Variants in FCHO2 observed in about 807,000 individuals in gnomAD.
FCHO2 encodes the protein FCH and mu domain containing endocytic adaptor 2.
In FCHO2, 43 loss-of-function variants were observed where a neutral mutation model predicts 114.1. The observed-to-expected ratio is 0.38, with a 90% confidence interval of 0.30 to 0.49. The LOEUF is 0.49. Ranked by LOEUF, FCHO2 falls within the 20% of genes least tolerant of loss-of-function variation. FCHO2 has a pLI of 0.97. For synonymous variants in FCHO2, 293 were observed against 315.2 expected, an observed-to-expected ratio of 0.93 and a Z score of 0.75; for missense variants, 807 against 950.4, an observed-to-expected ratio of 0.85 and a Z score of 1.98.
intron 5 of FCHO2, chr5:72,997,352 A>T (rs1754175753): frequency 6.3e-7 from 1 of 1,590,332 alleles, no homozygotes; most frequent in South Asian, 1.1e-5. Context: ...ACTGGACAAT[A>T]GCAGAAGCAT....
intron 8 of FCHO2, chr5:73,020,969 C>T (rs533425332): frequency 6.9e-6 from 11 of 1,596,004 alleles, no homozygotes; most frequent in South Asian, 3.3e-5. Flanking sequence ...TTGAGTGGTT[C>T]GGGTCCATTC....
chr5:73,068,835 T>C, intron 19 of FCHO2, 56 bp downstream of exon 19: 2 of 1,512,512 alleles, frequency 1.3e-6, no homozygotes, highest in Non-Finnish European at 1.8e-6. Flanking sequence ...ATATGTATGC[T>C]AAATATGTAT....
chr5:73,024,680 G>A (rs565459019), intron 8 of FCHO2, among the ~76,000 whole-genome samples: 58 of 150,184 alleles, frequency 3.9e-4, no homozygotes, highest in Admixed American at 7.9e-4. Context: ...CTCATGATCC[G>A]CCCACCTCGG....
At chr5:73,019,692 A>G (rs989838651) in intron 8 of FCHO2, among the ~76,000 whole-genome samples, 1 of 152,206 alleles carries the variant, frequency 6.6e-6, no homozygotes, top group African/African-American at 2.4e-5. Context: ...GTCATAAACC[A>G]TGCTGCAAAG....
In FCHO2 at chr5:73,088,398, GTTA is replaced by G; in HGVS notation, c.*310_*312del. ...TCCAGTGTCTATGTTGAAAAAAAGG[GTTA>G]TAGTGTAATATCAGGCCTAAAGTTT... is the stretch of plus-strand genomic sequence containing the variant. On this transcript the variant is annotated 3_prime_UTR_variant, in exon 26 of 26. Coordinates refer to ENST00000430046, the MANE Select transcript of FCHO2 (RefSeq NM_138782.3). 1 of 327,142 alleles carries G rather than the reference GTTA, an allele frequency of 3.1e-6. No individual in the cohort carries two copies. The highest frequency in any genetic ancestry group is 5.7e-6 in the Non-Finnish European group (1 of 174,924). The allele number at this position is 327,142 out of a possible 1,614,324, so 20.3% of individuals were successfully genotyped here.
intron 2 of FCHO2, among the ~76,000 whole-genome samples, chr5:72,970,765 A>G (rs1580010323): frequency 6.6e-6 from 1 of 152,034 alleles, no homozygotes; most frequent in East Asian, 1.9e-4. Flanking sequence ...TTAGTTACAT[A>G]TGTATACATG....
chr5:73,042,535 T>G (rs934660105), intron 11 of FCHO2, among the ~76,000 whole-genome samples: 3 of 152,166 alleles, frequency 2.0e-5, no homozygotes, highest in African/African-American at 7.2e-5. Context: ...TGAACTTTAC[T>G]TAGTACTTAT....
intron 6 of FCHO2, among the ~76,000 whole-genome samples, chr5:73,015,320 T>C (rs1412077970): frequency 1.3e-5 from 2 of 151,504 alleles, no homozygotes; most frequent in African/African-American, 4.8e-5. Context: ...TCCAGTGCAG[T>C]GGCGTGATCT....
chr5:72,998,035 T>C (rs1463195489), intron 5 of FCHO2, among the ~76,000 whole-genome samples: 1 of 151,090 alleles, frequency 6.6e-6, no homozygotes, highest in Non-Finnish European at 1.5e-5. Flanking sequence ...TTCTAAACTC[T>C]TGTACAAAAC....
chr5:72,978,764 T>C (rs1166708952), intron 2 of FCHO2, among the ~76,000 whole-genome samples: 1 of 152,194 alleles, frequency 6.6e-6, no homozygotes, highest in Non-Finnish European at 1.5e-5. Flanking sequence ...ATAGCTCTTA[T>C]TGTTTTGAGA....
At chr5:73,023,374 A>G (rs1350392918) in intron 8 of FCHO2, among the ~76,000 whole-genome samples, 1 of 152,234 alleles carries the variant, frequency 6.6e-6, no homozygotes, top group Non-Finnish European at 1.5e-5. Context: ...TCTAATAATC[A>G]TGGAGTTTTA....
At chr5:72,963,751 A>G (rs181054025) in intron 1 of FCHO2, among the ~76,000 whole-genome samples, 10 of 151,962 alleles carry the variant, frequency 6.6e-5, no homozygotes, top group African/African-American at 2.4e-4. Context: ...AGGTCTTGCT[A>G]TGTTATTTAG....
At chr5:73,066,132 G>T (rs1742310794) in intron 18 of FCHO2, among the ~76,000 whole-genome samples, 1 of 151,896 alleles carries the variant, frequency 6.6e-6, no homozygotes, top group African/African-American at 2.4e-5. Flanking sequence ...ACTTTAAATT[G>T]TAAGTATTAA....
chr5:73,078,404 G>T, intron 22 of FCHO2, 92 bp downstream of exon 22: 1 of 1,147,640 alleles, frequency 8.7e-7, no homozygotes, highest in East Asian at 2.9e-5. Flanking sequence ...AGCCAAGTGA[G>T]TTTTTTCCCA....
At chr5:73,078,597 C>T (rs1742992584) in intron 22 of FCHO2, among the ~76,000 whole-genome samples, 1 of 152,080 alleles carries the variant, frequency 6.6e-6, no homozygotes, top group Non-Finnish European at 1.5e-5. Flanking sequence ...CCAAAGTAAT[C>T]AATTAAAGTT....
chr5:73,023,538 C>G (rs1245053759), intron 8 of FCHO2, among the ~76,000 whole-genome samples: 2 of 151,946 alleles, frequency 1.3e-5, no homozygotes, highest in Non-Finnish European at 2.9e-5. Context: ...TCCATCTCTA[C>G]TAAATATAAA....
intron 5 of FCHO2, among the ~76,000 whole-genome samples, chr5:73,004,077 AC>A (rs1461300008): frequency 1.3e-5 from 2 of 148,404 alleles, no homozygotes; most frequent in Non-Finnish European, 3.0e-5. Flanking sequence ...AAAAAAATTC[AC>A]TCTGAAGGAC....
chr5:72,984,488 C>G (rs1371468323), intron 2 of FCHO2, among the ~76,000 whole-genome samples: 1 of 152,088 alleles, frequency 6.6e-6, no homozygotes, highest in Non-Finnish European at 1.5e-5. Flanking sequence ...ATAGAATTTT[C>G]TGGTAAAGCC....
At chr5:73,083,769 G>A (rs1162475030) in intron 24 of FCHO2, among the ~76,000 whole-genome samples, 3 of 151,878 alleles carry the variant, frequency 2.0e-5, no homozygotes. Flanking sequence ...GTGCACGCCT[G>A]TAATTCCAGC....
Sources: allele counts gnomAD v4.1 joint callset (sites outside exome capture counted in the v4.1 genomes callset), GRCh38; gene constraint gnomAD v4.1.1; transcripts MANE v1.5; gene names NCBI Gene and HGNC (gene_info 2026-07-23, HGNC 2026-07-21).